The following NFXL1 variants were observed in gnomAD, a reference collection of about 807,000 sequenced individuals.
NFXL1 encodes the protein NF-X1-type zinc finger protein NFXL1.
NFXL1 carries 66 observed loss-of-function variants against 123.3 expected under a neutral mutation model. The observed-to-expected ratio is 0.54, with a 90% confidence interval of 0.44 to 0.66. The LOEUF is 0.66. Among genes scored for constraint, NFXL1 ranks in the 30% least tolerant of loss-of-function variants. The probability of loss-of-function intolerance (pLI) is 0.00; values close to 1 mark genes in which losing one functional copy is unlikely to be tolerated. For missense variants in NFXL1, 944 were observed against 1,125.6 expected (o/e 0.84, Z 2.31); for synonymous variants, 346 against 360.8 (o/e 0.96, Z 0.46).
intron 20 of NFXL1, among the ~76,000 whole-genome samples, chr4:47,852,594 G>T (rs1734185133): frequency 6.6e-6 from 1 of 151,956 alleles, no homozygotes; most frequent in South Asian, 2.1e-4. Context: ...TAAAGCTTAT[G>T]TTGGCACTTC....
intron 21 of NFXL1, 27 bp from the exon 22 acceptor site, chr4:47,851,175 T>C (rs1189384858): frequency 2.6e-6 from 4 of 1,551,506 alleles, no homozygotes; most frequent in Non-Finnish European, 3.6e-6. Context: ...AAAAGTCAAT[T>C]TACAATTTAG....
At chr4:47,903,600 T>A (rs554653052) in intron 4 of NFXL1, among the ~76,000 whole-genome samples, 56 of 152,082 alleles carry the variant, frequency 3.7e-4, no homozygotes, top group African/African-American at 1.2e-3. Flanking sequence ...ATATATATAT[T>A]TTTTTCATAC....
intron 16 of NFXL1, 46 bp from the exon 17 acceptor site, chr4:47,878,711 T>C (rs745936117): frequency 1.4e-6 from 2 of 1,380,906 alleles, no homozygotes; most frequent in South Asian, 3.9e-5. Flanking sequence ...ACTCAAACGT[T>C]TCTGGACATA....
intron 19 of NFXL1, among the ~76,000 whole-genome samples, chr4:47,859,714 C>T (rs964569222): frequency 2.7e-5 from 4 of 150,852 alleles, no homozygotes; most frequent in African/African-American, 7.3e-5. Flanking sequence ...TAGTGGCGGG[C>T]GCCTGTAATC....
intron 15 of NFXL1, among the ~76,000 whole-genome samples, chr4:47,880,426 CAAAAAAAAAAAAAA>C (rs752132328): frequency 4.9e-4 from 18 of 36,642 alleles, no homozygotes; most frequent in Middle Eastern, 0.014. Flanking sequence ...GATCCAGTCT[CAAAAAAAAAAAAAA>C]AAAAAAAAGG....
In NFXL1 at chr4:47,851,842, T is replaced by C; in HGVS notation, c.2508+14A>G. 1 of 1,531,398 alleles carries C rather than the reference T, an allele frequency of 6.5e-7. No homozygotes were observed. The highest frequency in any genetic ancestry group is 1.7e-5 in the Admixed American group (1 of 59,086). The allele number at this position is 1,531,398 out of a possible 1,614,324, so 94.9% of individuals were successfully genotyped here. On this transcript the variant is annotated intron_variant, in intron 21 of 22. Coordinates refer to ENST00000507489, the MANE Select transcript of NFXL1 (RefSeq NM_001278624.2). Reference sequence around the variant, plus strand: ...GGCCACTAGTCTTTAAAATGATATTTAACGAGACATTACCTCAGATGCTTT... The same window carrying C: ...GGCCACTAGTCTTTAAAATGATATTCAACGAGACATTACCTCAGATGCTTT...
At chr4:47,856,672 A>G (rs1204237190) in intron 19 of NFXL1, among the ~76,000 whole-genome samples, 1 of 152,118 alleles carries the variant, frequency 6.6e-6, no homozygotes, top group East Asian at 1.9e-4. Context: ...CTTTTAGCTG[A>G]GGCATTCATA....
chr4:47,910,771 G>A (rs1441001198), intron 3 of NFXL1, 53 bp downstream of exon 3: 4 of 1,168,946 alleles, frequency 3.4e-6, no homozygotes, highest in Non-Finnish European at 3.6e-6. Context: ...CCAAAAAAAT[G>A]TCAGGAATAC....
At chr4:47,914,322 A>G (rs368532340) in intron 1 of NFXL1, 43 bp downstream of exon 1, 2 of 839,376 alleles carry the variant, frequency 2.4e-6, no homozygotes, top group African/African-American at 1.7e-5. Flanking sequence ...AGGTTCCTGC[A>G]GGGCGGCGAC....
chr4:47,875,914 A>G (rs1735719316), intron 17 of NFXL1, among the ~76,000 whole-genome samples: 2 of 152,204 alleles, frequency 1.3e-5, no homozygotes, highest in Admixed American at 6.5e-5. Context: ...TAGTGATTTA[A>G]TAATGTTAAC....
intron 2 of NFXL1, among the ~76,000 whole-genome samples, chr4:47,913,359 T>G (rs909169546): frequency 6.6e-6 from 1 of 152,168 alleles, no homozygotes; most frequent in African/African-American, 2.4e-5. Context: ...GGACATGGAA[T>G]TTGTAAATAG....
At chr4:47,858,506 A>G (rs1233104756) in intron 19 of NFXL1, among the ~76,000 whole-genome samples, 2 of 152,224 alleles carry the variant, frequency 1.3e-5, no homozygotes, top group African/African-American at 2.4e-5. Flanking sequence ...TCAAATGTCC[A>G]CCCACAGTAA....
intron 3 of NFXL1, 100 bp from the exon 4 acceptor site, chr4:47,905,446 C>A: frequency 1.8e-6 from 1 of 568,270 alleles, no homozygotes; most frequent in Non-Finnish European, 3.2e-6. Context: ...CTAGCAATAT[C>A]AATTGCTCAA....
chr4:47,892,564 C>T (rs1736840707), intron 11 of NFXL1, among the ~76,000 whole-genome samples: 1 of 152,116 alleles, frequency 6.6e-6, no homozygotes, highest in Non-Finnish European at 1.5e-5. Flanking sequence ...TTCCTTACAG[C>T]CAGAATAGAA....
chr4:47,890,814 AAAG>A, intron 11 of NFXL1, 111 bp from the exon 12 acceptor site: 3 of 607,426 alleles, frequency 4.9e-6, no homozygotes, highest in African/African-American at 1.9e-5. Context: ...CTTTTCACTA[AAAG>A]AAGTATTCAA....
intron 11 of NFXL1, among the ~76,000 whole-genome samples, chr4:47,892,123 T>C (rs1736810297): frequency 6.6e-6 from 1 of 152,180 alleles, no homozygotes. Flanking sequence ...CACTCCTGTC[T>C]CAAACCACTA....
In NFXL1 at chr4:47,851,882, T is replaced by G. The variant is rs1181353728; in HGVS notation, c.2482A>C (p.Lys828Gln). 1 of 1,610,176 alleles carries G rather than the reference T, an allele frequency of 6.2e-7. No homozygotes were observed. Among genetic ancestry groups the G allele is most frequent in the Non-Finnish European group, 8.5e-7 (1 of 1,176,806 alleles). The stretch of plus-strand genomic sequence containing the variant: ...TCAGATGCTTTCCGCTTCATTTCCT[T>G]GCACGTTGTGTCACATTCTATTGAA... ...QVSIECDTTCKEMKRKASEIK... is the reference protein window; with the variant it reads ...QVSIECDTTCQEMKRKASEIK... The change falls in exon 21 of 23, where the codon AAG becomes CAG. Residue 828 changes from lysine to glutamine, a missense_variant. Transcript: ENST00000507489.
At chr4:47,859,624 C>T (rs537088627) in intron 19 of NFXL1, among the ~76,000 whole-genome samples, 43 of 152,098 alleles carry the variant, frequency 2.8e-4, no homozygotes, top group African/African-American at 9.4e-4. Context: ...GGGCAAACCA[C>T]GAGTTCAGGG....
At chr4:47,859,776 A>G (rs1381493884) in intron 19 of NFXL1, among the ~76,000 whole-genome samples, 2 of 121,774 alleles carry the variant, frequency 1.6e-5, no homozygotes, top group African/African-American at 6.2e-5. Flanking sequence ...TGGGAGGTGG[A>G]GGTTGTAGTG....
Sources: gnomAD v4.1 joint callset for allele counts (sites outside exome capture counted in the v4.1 genomes callset) on GRCh38, gnomAD v4.1.1 for gene constraint, MANE v1.5 for transcripts, NCBI Gene and HGNC (gene_info 2026-07-23, HGNC 2026-07-21) for gene names.